The following CHST8 variants were observed in gnomAD, a reference collection of about 807,000 sequenced individuals.
CHST8 encodes the protein GALNAC-4-ST1.
A neutral mutation model predicts 15.0 loss-of-function variants in CHST8; 10 were observed. The observed-to-expected ratio is 0.67, with a 90% CI of 0.41 to 1.13. The LOEUF is 1.13. Among genes scored for constraint, CHST8 ranks in the 50% most tolerant of loss-of-function variants. The pLI, the probability that CHST8 is intolerant of heterozygous loss-of-function variation, is 0.00. For synonymous variants in CHST8, 259 were observed against 256.6 expected (o/e 1.01, Z -0.09); for missense variants, 634 against 608.2 (o/e 1.04, Z -0.45).
intron 3 of CHST8, among the ~76,000 whole-genome samples, chr19:33,724,606 G>C (rs867880193): frequency 9.2e-5 from 14 of 152,312 alleles, no homozygotes; most frequent in Middle Eastern, 6.8e-3. Context: ...GTATTGCCTG[G>C]GGCTGCATCT....
intron 3 of CHST8, among the ~76,000 whole-genome samples, chr19:33,769,910 C>T (rs138164113): frequency 6.6e-5 from 10 of 152,226 alleles, no homozygotes; most frequent in Non-Finnish European, 2.9e-5. Context: ...AAGGGACAAG[C>T]GGAAGAAAGA....
At chr19:33,761,441 T>G (rs763532544) in intron 3 of CHST8, among the ~76,000 whole-genome samples, 16 of 152,030 alleles carry the variant, frequency 1.1e-4, no homozygotes, top group Non-Finnish European at 2.1e-4. Context: ...GTAAGGCTCA[T>G]GCCCCAGCCT....
At chr19:33,766,844 C>T (rs187591746) in intron 3 of CHST8, among the ~76,000 whole-genome samples, 56 of 152,348 alleles carry the variant, frequency 3.7e-4, no homozygotes, top group African/African-American at 1.3e-3. Flanking sequence ...TGTGGGGCAA[C>T]CTGCCAGCAG....
Position 33,690,722 on chromosome 19 carries a change from C to T in CHST8, c.130+1331C>T, listed in dbSNP as rs59108635. ...CCAGGCGTCTGGAGCAGCAGGTGCG[C>T]AGCAGAGCCGGCTCTCCTGTGGGAG... is the stretch of plus-strand genomic sequence containing the variant. On this transcript the variant is annotated intron_variant, in intron 3 of 4. Coordinates refer to ENST00000650847, the MANE Select transcript of CHST8 (RefSeq NM_001127895.2). Among the ~76,000 whole-genome samples, 1,047 of 152,346 alleles carry T rather than the reference C, an allele frequency of 6.9e-3. 20 individuals are homozygous for T. The highest frequency in any genetic ancestry group is 0.023 in the African/African-American group (967 of 41,572).
intron 3 of CHST8, among the ~76,000 whole-genome samples, chr19:33,696,145 C>T (rs535490299): frequency 6.6e-6 from 1 of 152,234 alleles, no homozygotes; most frequent in South Asian, 2.1e-4. Flanking sequence ...TCTTTATCTG[C>T]TCATTGGTTG....
In CHST8 at chr19:33,667,782, A is replaced by G. The variant is rs1972681874; in HGVS notation, c.-148A>G. ...TTTTTTTTAGGTTTAAAGGTCAACA[A>G]GAATATCTTACCTTAATTTGACAAG... On this transcript the variant is annotated 5_prime_UTR_variant, in exon 2 of 5. Transcript: ENST00000650847. 1 of 152,166 alleles carries G rather than the reference A, an allele frequency of 6.6e-6. No homozygotes were observed. The highest frequency in any genetic ancestry group is 6.5e-5 in the Admixed American group (1 of 15,282). 9.4% of individuals were successfully genotyped at this position (152,166 alleles called of 1,614,324 possible). A position where few individuals can be genotyped will look rare whatever the true frequency, so the allele number is the denominator to read the frequency against.
At chr19:33,635,866 G>A (rs148830416) in intron 1 of CHST8, among the ~76,000 whole-genome samples, 1 of 152,160 alleles carries the variant, frequency 6.6e-6, no homozygotes. Context: ...CCAAGCTTTG[G>A]GACTACAGTG....
At chr19:33,714,562 T>G (rs1385720471) in intron 3 of CHST8, among the ~76,000 whole-genome samples, 1 of 151,838 alleles carries the variant, frequency 6.6e-6, no homozygotes, top group East Asian at 1.9e-4. Context: ...ATTTGGGTGA[T>G]GGGTACACTA....
chr19:33,662,540 G>A (rs1345716987), intron 1 of CHST8, among the ~76,000 whole-genome samples: 1 of 152,214 alleles, frequency 6.6e-6, no homozygotes, highest in East Asian at 1.9e-4. Context: ...CTGGCTCAGG[G>A]ACTGTCTTTG....
At chr19:33,687,214 G>A (rs1038835186) in intron 2 of CHST8, among the ~76,000 whole-genome samples, 5 of 152,220 alleles carry the variant, frequency 3.3e-5, no homozygotes, top group East Asian at 1.9e-4. Flanking sequence ...GTAGGGCATC[G>A]CAGCCTGCTG....
chr19:33,699,812 G>T (rs1973297281), intron 3 of CHST8, among the ~76,000 whole-genome samples: 5 of 152,160 alleles, frequency 3.3e-5, no homozygotes, highest in Admixed American at 3.3e-4. Context: ...ATGTCAGAAG[G>T]TCTGTCCAGC....
At position 33,773,117 on chromosome 19, in the gene CHST8, C is replaced by G; in HGVS notation, c.*54C>G. 6.6e-7 allele frequency: 1 copy of G among 1,515,060 alleles called. No individual in the cohort carries two copies. 93.9% of individuals were successfully genotyped at this position (1,515,060 alleles called of 1,614,324 possible). A position where few individuals can be genotyped will look rare whatever the true frequency, so the allele number is the denominator to read the frequency against. On this transcript the variant is annotated 3_prime_UTR_variant, in exon 5 of 5. Coordinates refer to ENST00000650847, the MANE Select transcript of CHST8 (RefSeq NM_001127895.2). ...TGCCCCGGTCACTCACCTGTGCTCC[C>G]GGGCATCCTCCTGTCCCTGGCTCCT...
intron 3 of CHST8, among the ~76,000 whole-genome samples, chr19:33,709,296 G>T (rs1425936851): frequency 6.6e-6 from 1 of 152,084 alleles, no homozygotes; most frequent in Non-Finnish European, 1.5e-5. Flanking sequence ...CTTTATTCCG[G>T]ATCTTAGGGG....
At chr19:33,744,887 TA>T (rs1974282503) in intron 3 of CHST8, among the ~76,000 whole-genome samples, 1 of 152,126 alleles carries the variant, frequency 6.6e-6, no homozygotes, top group South Asian at 2.1e-4. Flanking sequence ...TAGCTGGGAT[TA>T]CAGGTGCCTG....
intron 3 of CHST8, among the ~76,000 whole-genome samples, chr19:33,768,962 G>A (rs2145393092): frequency 6.6e-6 from 1 of 152,354 alleles, no homozygotes; most frequent in East Asian, 1.9e-4. Flanking sequence ...CATGTAAACA[G>A]GAAATCAGGA....
chr19:33,695,974 C>T (rs912595545), intron 3 of CHST8, among the ~76,000 whole-genome samples: 1 of 151,618 alleles, frequency 6.6e-6, no homozygotes, highest in African/African-American at 2.4e-5. Flanking sequence ...TACAGGTGCC[C>T]ACCACCACAC....
intron 3 of CHST8, among the ~76,000 whole-genome samples, chr19:33,731,238 T>C (rs1229877575): frequency 6.6e-6 from 1 of 152,210 alleles, no homozygotes; most frequent in Non-Finnish European, 1.5e-5. Context: ...GAGCAGCAGC[T>C]TGGGCTGCTG....
In CHST8 at chr19:33,757,478, GAAA is replaced by G. The variant is rs1974595487; in HGVS notation, c.131-13934_131-13932del. 1.2e-4 allele frequency among the ~76,000 whole-genome samples: 5 copies of G among 42,796 alleles called. 2 individuals are homozygous for G. The highest frequency in any genetic ancestry group is 3.1e-4 in the African/African-American group (3 of 9,828). The allele number at this position is 42,796 out of a possible 152,430, so 28.1% of individuals were successfully genotyped here. On this transcript the variant is annotated intron_variant, in intron 3 of 4. Transcript: ENST00000650847. ...AGAAAGAAAGAAAGAAAGAAAGAAAGAAAGAAAGAAAGAAAGAAAGAAAGAAAG... is the reference window on the plus strand; with the variant it reads ...AGAAAGAAAGAAAGAAAGAAAGAAAGGAAAGAAAGAAAGAAAGAAAGAAAG...
chr19:33,698,054 A>G (rs1003871376), intron 3 of CHST8, among the ~76,000 whole-genome samples: 2 of 152,124 alleles, frequency 1.3e-5, no homozygotes, highest in Non-Finnish European at 2.9e-5. Context: ...GAGGCGGTGG[A>G]TCACCTGAGG....
Sources: gnomAD v4.1 joint callset for allele counts (sites outside exome capture counted in the v4.1 genomes callset) on GRCh38, gnomAD v4.1.1 for gene constraint, MANE v1.5 for transcripts, NCBI Gene and HGNC (gene_info 2026-07-23, HGNC 2026-07-21) for gene names.